SLC25A26: variants seen among roughly 807,000 people sequenced by gnomAD.
The protein encoded by SLC25A26 is solute carrier family 25 member 26, also known as mitochondrial S-adenosylmethionine carrier protein.
SLC25A26 carries 36 observed loss-of-function variants against 37.8 expected under a neutral mutation model. The observed-to-expected ratio is 0.95, with a 90% confidence interval of 0.73 to 1.26. SLC25A26 has a LOEUF of 1.26. SLC25A26 is among the 50% of genes most tolerant of loss of function. SLC25A26 has a pLI of 0.00. For synonymous variants in SLC25A26, 129 were observed against 122.5 expected, an observed-to-expected ratio of 1.05 and a Z score of -0.35; for missense variants, 390 against 331.1, an observed-to-expected ratio of 1.18 and a Z score of -1.38.
intron 1 of SLC25A26, among the ~76,000 whole-genome samples, chr3:66,234,553 C>G (rs967371496): frequency 6.6e-6 from 1 of 152,040 alleles, no homozygotes. Context: ...TATAGTATTA[C>G]TATTTATAGT....
rs576757561 is a variant in SLC25A26, at chr3:66,271,993, T to G, written c.453+8614T>G. Among the ~76,000 whole-genome samples the G allele has an allele frequency of 3.2e-3, 490 of 152,304 alleles. 3 individuals carry two copies. Among genetic ancestry groups the G allele is most frequent in the South Asian group, 0.02 (97 of 4,832 alleles). ...TTTACTTCTGATTTATTTACTTTTA[T>G]ATGTAGTTTTGATTTTAAAGTTAAA... On this transcript the variant is annotated intron_variant, in intron 5 of 9. Transcript: ENST00000354883.
chr3:66,303,763 G>C (rs1018087468), intron 5 of SLC25A26, among the ~76,000 whole-genome samples: 1 of 152,192 alleles, frequency 6.6e-6, no homozygotes, highest in Admixed American at 6.5e-5. Flanking sequence ...TGAGGACCGC[G>C]TGGCTGAGTT....
At chr3:66,257,219 G>C (rs917403777) in intron 3 of SLC25A26, among the ~76,000 whole-genome samples, 20 of 151,966 alleles carry the variant, frequency 1.3e-4, no homozygotes, top group African/African-American at 4.4e-4. Context: ...GGAAAATTAA[G>C]AATTATAGAA....
chr3:66,205,812 A>C (rs1362325270), intron 1 of SLC25A26, among the ~76,000 whole-genome samples: 1 of 152,188 alleles, frequency 6.6e-6, no homozygotes, highest in Admixed American at 6.5e-5. Context: ...CCATTTGTTC[A>C]TAGGGCATCT....
At chr3:66,237,755 A>G (rs1248181007) in intron 2 of SLC25A26, among the ~76,000 whole-genome samples, 2 of 152,202 alleles carry the variant, frequency 1.3e-5, no homozygotes, top group Admixed American at 6.5e-5. Flanking sequence ...TAAAGCAACA[A>G]AACAAAAAAT....
chr3:66,169,111 C>A (rs1471119362), intron 1 of SLC25A26, among the ~76,000 whole-genome samples: 3 of 152,164 alleles, frequency 2.0e-5, no homozygotes, highest in African/African-American at 7.2e-5. Context: ...GGTGACAGAG[C>A]AAGACCCTGT....
intron 1 of SLC25A26, among the ~76,000 whole-genome samples, chr3:66,211,059 A>T (rs2071278530): frequency 6.6e-6 from 1 of 152,196 alleles, no homozygotes; most frequent in Non-Finnish European, 1.5e-5. Flanking sequence ...TCCTCTTGTA[A>T]TTATTTGGGG....
chr3:66,276,733 G>T (rs1453381389), intron 5 of SLC25A26, among the ~76,000 whole-genome samples: 1 of 151,966 alleles, frequency 6.6e-6, no homozygotes, highest in East Asian at 1.9e-4. Flanking sequence ...GGTATACATA[G>T]CCAAGTAACT....
chr3:66,170,733 G>C (rs563498580), intron 1 of SLC25A26, among the ~76,000 whole-genome samples: 1 of 150,294 alleles, frequency 6.7e-6, no homozygotes, highest in Non-Finnish European at 1.5e-5. Flanking sequence ...ACATAGTGCC[G>C]GACACATGTA....
chr3:66,238,679 T>C (rs1045681514), intron 2 of SLC25A26, among the ~76,000 whole-genome samples: 9 of 152,190 alleles, frequency 5.9e-5, no homozygotes, highest in Non-Finnish European at 8.8e-5. Context: ...TTTTATATAC[T>C]GTATTCTTAC....
chr3:66,237,958 T>A (rs1161635063), intron 2 of SLC25A26, among the ~76,000 whole-genome samples: 1 of 152,250 alleles, frequency 6.6e-6, no homozygotes, highest in Non-Finnish European at 1.5e-5. Flanking sequence ...AGTATTTCTG[T>A]TTCTTTTTTT....
intron 5 of SLC25A26, among the ~76,000 whole-genome samples, chr3:66,325,070 T>G (rs2075802120): frequency 6.6e-6 from 1 of 152,212 alleles, no homozygotes; most frequent in Admixed American, 6.5e-5. Flanking sequence ...GATTGGATTT[T>G]TCTTTATGTT....
rs772730871 is a variant in SLC25A26 at position 66,263,360 on chromosome 3, A to C, written c.434A>C (p.Lys145Thr). 9 of 1,611,876 alleles carry C rather than the reference A, an allele frequency of 5.6e-6. No individual in the cohort carries two copies. The South Asian group carries it at 9.9e-5, about 18-fold the overall frequency. ...EGIQGLYRGY[K>T]STVLREIPFS... is the part of the protein sequence containing the mutation. ...ATCCAAGGGTTGTATCGAGGCTATA[A>C]AAGCACAGTTTTAAGAGAGGTAAGT... is the stretch of plus-strand genomic sequence containing the variant. The change falls in exon 5 of 10, where the codon AAA becomes ACA. Residue 145 changes from lysine (K) to threonine (T), a missense_variant. Lys to Thr is a moderately conservative substitution (Grantham distance 78). Transcript: ENST00000354883.
At chr3:66,339,807 G>C (rs1300872460) in intron 5 of SLC25A26, among the ~76,000 whole-genome samples, 1 of 151,900 alleles carries the variant, frequency 6.6e-6, no homozygotes. Context: ...TATTCCATAG[G>C]TTGTCTTTTT....
intron 1 of SLC25A26, among the ~76,000 whole-genome samples, chr3:66,190,981 G>T (rs2070931095): frequency 6.6e-6 from 1 of 152,124 alleles, no homozygotes; most frequent in Non-Finnish European, 1.5e-5. Context: ...ATACATCTTG[G>T]TTTAGGCAAA....
chr3:66,252,963 G>A (rs570115068), intron 3 of SLC25A26, among the ~76,000 whole-genome samples: 2 of 149,272 alleles, frequency 1.3e-5, no homozygotes, highest in Non-Finnish European at 2.9e-5. Flanking sequence ...TCACATCACT[G>A]GTTTCTTAAA....
chr3:66,215,174 TTTG>T (rs2071342248), intron 1 of SLC25A26, among the ~76,000 whole-genome samples: 1 of 152,110 alleles, frequency 6.6e-6, no homozygotes, highest in South Asian at 2.1e-4. Context: ...TGTTTACCTT[TTTG>T]TTCTATTATT....
At chr3:66,350,710 G>C (rs2076432212) in intron 6 of SLC25A26, among the ~76,000 whole-genome samples, 1 of 131,712 alleles carries the variant, frequency 7.6e-6, no homozygotes, top group South Asian at 3.0e-4. Context: ...GTGTGTGTGT[G>C]TGTGAGCGCG....
intron 1 of SLC25A26, among the ~76,000 whole-genome samples, chr3:66,162,747 T>C (rs1343525949): frequency 6.6e-6 from 1 of 152,224 alleles, no homozygotes; most frequent in African/African-American, 2.4e-5. Context: ...ATGCAGTCTC[T>C]TGGCTGTCAT....
Sources: allele counts gnomAD v4.1 joint callset (sites outside exome capture counted in the v4.1 genomes callset), GRCh38; gene constraint gnomAD v4.1.1; transcripts MANE v1.5; gene names NCBI Gene and HGNC (gene_info 2026-07-23, HGNC 2026-07-21).